NLRP1: variants seen among roughly 807,000 people sequenced by gnomAD.
NLRP1 encodes the protein NLR family pyrin domain containing 1.
Under a neutral mutation model 136.7 loss-of-function variants are expected in NLRP1, and 94 were observed. The observed-to-expected ratio is 0.69, with a 90% CI of 0.58 to 0.82. The LOEUF is 0.82. Ranked by LOEUF, NLRP1 falls within the 40% of genes least tolerant of loss-of-function variation. The pLI is 0.00. For missense variants in NLRP1, 1,575 were observed against 1,802.7 expected, an observed-to-expected ratio of 0.87 and a Z score of 2.29; for synonymous variants, 690 against 725.1, an observed-to-expected ratio of 0.95 and a Z score of 0.78.
intron 12 of NLRP1, chr17:5,529,948 T>C (rs1169905772): frequency 4.4e-6 from 2 of 456,126 alleles, no homozygotes; most frequent in Admixed American, 4.7e-5. Context: ...GTGGGAAGTC[T>C]TTGGAGGTGA....
intron 12 of NLRP1, among the ~76,000 whole-genome samples, chr17:5,524,004 GCCT>G (rs1909224143): frequency 6.6e-6 from 1 of 152,148 alleles, no homozygotes; most frequent in Non-Finnish European, 1.5e-5. Context: ...GCTCACCACA[GCCT>G]CCGCCTCCTG....
intron 3 of NLRP1, among the ~76,000 whole-genome samples, chr17:5,566,800 C>T (rs1268058570): frequency 6.6e-6 from 1 of 152,108 alleles, no homozygotes; most frequent in Admixed American, 6.5e-5. Context: ...GCCTATCTCT[C>T]TCTTTAGCTC....
chr17:5,521,932 C>T (rs1331778912), intron 12 of NLRP1, 146 bp from the exon 13 acceptor site: 10 of 769,894 alleles, frequency 1.3e-5, no homozygotes, highest in Non-Finnish European at 1.8e-5. Flanking sequence ...TCAAGCGATT[C>T]TCCTGCCTCA....
At chr17:5,532,555 G>C (rs1428869302) in intron 11 of NLRP1, among the ~76,000 whole-genome samples, 1 of 152,224 alleles carries the variant, frequency 6.6e-6, no homozygotes, top group Non-Finnish European at 1.5e-5. Flanking sequence ...AGTGGCTGAA[G>C]CTGGGTGATG....
chr17:5,572,490 A>G (rs114302013), intron 3 of NLRP1, among the ~76,000 whole-genome samples: 2,700 of 152,206 alleles, frequency 0.018, 75 homozygotes, highest in African/African-American at 0.062. Flanking sequence ...ACTGAGGTGG[A>G]CAGATCACTT....
Position 5,558,609 on chromosome 17 carries a change from T to G in NLRP1, c.2087A>C (p.Gln696Pro). The G allele has an allele frequency of 1.9e-6, 3 of 1,614,100 alleles. No individual in the cohort carries two copies. The highest frequency in any genetic ancestry group is 2.5e-6 in the Non-Finnish European group (3 of 1,179,992). The change falls in exon 4 of 17, where the codon CAG becomes CCG. Residue 696 changes from glutamine to proline, a missense_variant. Transcript: ENST00000572272. ...MENIFHCRLS[Q>P]GRNLMQWVPS... ...GACCCACTGCATCAGGTTCCTCCCC[T>G]GAGACAGCCGGCAGTGAAAGATGTT...
chr17:5,553,855 C>CT (rs71856538), intron 4 of NLRP1, among the ~76,000 whole-genome samples: 6,013 of 144,474 alleles, frequency 0.042, 215 homozygotes, highest in South Asian at 0.19. Flanking sequence ...AGACATTTGT[C>CT]TTTTTTTTTT....
chr17:5,530,016 C>T, intron 12 of NLRP1: 2 of 456,858 alleles, frequency 4.4e-6, no homozygotes, highest in Non-Finnish European at 8.8e-6. Flanking sequence ...TTCATGGCTC[C>T]AGCTCTCAGA....
downstream of NLRP1, chr17:5,512,234 C>T: frequency 1.3e-6 from 2 of 1,504,726 alleles, no homozygotes; most frequent in South Asian, 2.2e-5. Context: ...CTACCATCAG[C>T]ATAGAGTCCT....
rs1223293637 is a variant in NLRP1, at chr17:5,558,703, G to A, written c.1993C>T (p.Leu665=). 2 of 1,613,936 alleles carry A rather than the reference G, an allele frequency of 1.2e-6. No homozygotes were observed. The highest frequency in any genetic ancestry group is 1.3e-5 in the African/African-American group (1 of 74,886). Residue 665 remains leucine (L), a synonymous_variant, in exon 4 of 17, where the codon CTG becomes TTG. Transcript: ENST00000572272. ...KTLEAYGIHG[L]FGASTTRFLL... ...AAACGTGTGGTTGATGCCCCAAACA[G>A]GCCATGTATTCCATATGCTTCTAGC...
chr17:5,570,842 C>T (rs1398019471), intron 3 of NLRP1, among the ~76,000 whole-genome samples: 1 of 152,098 alleles, frequency 6.6e-6, no homozygotes, highest in Non-Finnish European at 1.5e-5. Context: ...CTGTGATGAA[C>T]ATAGCTGCAA....
intron 5 of NLRP1, among the ~76,000 whole-genome samples, chr17:5,542,926 T>G (rs1912062803): frequency 6.6e-6 from 1 of 151,960 alleles, no homozygotes; most frequent in Non-Finnish European, 1.5e-5. Flanking sequence ...GCGCCCTGGG[T>G]TCAAGTGATT....
At chr17:5,561,773 G>A (rs1243805644) in intron 3 of NLRP1, among the ~76,000 whole-genome samples, 26 of 152,230 alleles carry the variant, frequency 1.7e-4, no homozygotes, top group Admixed American at 1.4e-3. Context: ...CCATGAAACT[G>A]TTCTTTGGGA....
chr17:5,566,157 T>C (rs996224740), intron 3 of NLRP1, among the ~76,000 whole-genome samples: 1 of 152,140 alleles, frequency 6.6e-6, no homozygotes, highest in African/African-American at 2.4e-5. Context: ...ATTTTTTCTT[T>C]TTAATTTCAT....
intron 12 of NLRP1, among the ~76,000 whole-genome samples, chr17:5,526,516 G>C (rs1013413797): frequency 1.3e-5 from 2 of 152,168 alleles, no homozygotes; most frequent in African/African-American, 4.8e-5. Flanking sequence ...CCCACAGGCA[G>C]CACAGAGAGG....
At chr17:5,544,248 G>A (rs34888086) in intron 5 of NLRP1, among the ~76,000 whole-genome samples, 7,182 of 152,236 alleles carry the variant, frequency 0.047, 198 homozygotes, top group Middle Eastern at 0.086. Flanking sequence ...GGGTAGGTTG[G>A]GGTGGGGCAT....
chr17:5,517,356 C>A (rs1328630145), intron 15 of NLRP1, among the ~76,000 whole-genome samples: 2 of 86,900 alleles, frequency 2.3e-5, no homozygotes, highest in African/African-American at 4.3e-5. Context: ...CTGCACCCCC[C>A]CCCCTCCCAC....
At chr17:5,557,225 G>A (rs754175173) in intron 4 of NLRP1, among the ~76,000 whole-genome samples, 10 of 151,898 alleles carry the variant, frequency 6.6e-5, no homozygotes, top group Non-Finnish European at 7.4e-5. Flanking sequence ...GGCTGGTCTC[G>A]AACTCCTGGC....
intron 5 of NLRP1, among the ~76,000 whole-genome samples, chr17:5,543,027 G>A (rs184712342): frequency 9.2e-5 from 14 of 152,114 alleles, no homozygotes; most frequent in African/African-American, 2.9e-4. Flanking sequence ...ACGGGGTTTC[G>A]CCATGTTGGC....
Sources: allele counts gnomAD v4.1 joint callset (sites outside exome capture counted in the v4.1 genomes callset), GRCh38; gene constraint gnomAD v4.1.1; transcripts MANE v1.5; gene names NCBI Gene and HGNC (gene_info 2026-07-23, HGNC 2026-07-21).